Variants in RFX7 observed in about 807,000 individuals in gnomAD.
RFX7 encodes DNA-binding protein RFX7.
RFX7 carries 26 observed loss-of-function variants against 111.8 expected under a neutral mutation model. The ratio of observed to expected loss-of-function variants is 0.23; its 90% CI spans 0.17 to 0.32. The LOEUF (loss-of-function observed/expected upper bound fraction) is 0.32, where lower values mean the gene tolerates loss of function less well. Ranked by LOEUF, RFX7 falls within the 10% of genes least tolerant of loss-of-function variation. RFX7 has a pLI of 1.00. For synonymous variants in RFX7, 624 were observed against 624.4 expected (o/e 1.00, Z 0.01); for missense variants, 1,573 against 1,772.9 (o/e 0.89, Z 2.02).
chr15:56,147,693 C>G (rs540202971), intron 3 of RFX7, among the ~76,000 whole-genome samples: 1 of 152,076 alleles, frequency 6.6e-6, no homozygotes, highest in Non-Finnish European at 1.5e-5. Context: ...CCTGACTCAG[C>G]CTTCCGAGCA....
chr15:56,179,727 C>A (rs1019391422), intron 2 of RFX7, among the ~76,000 whole-genome samples: 2 of 149,340 alleles, frequency 1.3e-5, no homozygotes, highest in East Asian at 4.0e-4. Flanking sequence ...AGATTTGATA[C>A]ATAAAAGATT....
At chr15:56,158,618 T>C (rs1310218380) in intron 3 of RFX7, among the ~76,000 whole-genome samples, 2 of 152,180 alleles carry the variant, frequency 1.3e-5, no homozygotes, top group Admixed American at 1.3e-4. Context: ...ATTTAAAATC[T>C]ACTCTCATAC....
chr15:56,155,717 A>G (rs1410640215), intron 3 of RFX7, among the ~76,000 whole-genome samples: 1 of 152,218 alleles, frequency 6.6e-6, no homozygotes, highest in Non-Finnish European at 1.5e-5. Flanking sequence ...TACCTATGTA[A>G]CAAAACTGCA....
rs189981876 is a variant in RFX7, at chr15:56,144,338, C to T, written c.278+63G>A. 3.8e-5 allele frequency: 32 copies of T among 846,302 alleles called. No homozygotes were observed. In the African/African-American group the frequency reaches 5.6e-4, roughly 15 times the overall value. 52.4% of individuals were successfully genotyped at this position (846,302 alleles called of 1,614,324 possible). A position where few individuals can be genotyped will look rare whatever the true frequency, so the allele number is the denominator to read the frequency against. On this transcript the variant is annotated intron_variant, in intron 4 of 9. Coordinates refer to ENST00000559447, the MANE Select transcript of RFX7 (RefSeq NM_022841.7). ...TCTAACAACCAAAACATACAGACCT[C>T]ACATATATCCTAGGGACATCCTATA...
intron 2 of RFX7, among the ~76,000 whole-genome samples, chr15:56,222,577 C>T (rs957300930): frequency 1.3e-4 from 20 of 152,142 alleles, no homozygotes; most frequent in South Asian, 6.2e-4. Context: ...AAGTTTTCTT[C>T]GTAGTTTCCA....
intron 2 of RFX7, among the ~76,000 whole-genome samples, chr15:56,200,935 T>TC (rs1203986001): frequency 6.6e-6 from 1 of 152,082 alleles, no homozygotes; most frequent in Non-Finnish European, 1.5e-5. Context: ...TACAAGTCTT[T>TC]TTTTTTTTAA....
chr15:56,151,761 T>A (rs770527935), intron 3 of RFX7, among the ~76,000 whole-genome samples: 1 of 152,090 alleles, frequency 6.6e-6, no homozygotes, highest in African/African-American at 2.4e-5. Flanking sequence ...AGACACAGAC[T>A]GGCAAATTAG....
intron 2 of RFX7, 53 bp from the exon 3 acceptor site, chr15:56,179,356 G>T: frequency 3.7e-6 from 3 of 810,182 alleles, no homozygotes; most frequent in Non-Finnish European, 5.2e-6. Context: ...TTAACTATCT[G>T]CAATATTCTC....
At chr15:56,133,350 A>C (rs2042243982) in intron 5 of RFX7, among the ~76,000 whole-genome samples, 1 of 151,972 alleles carries the variant, frequency 6.6e-6, no homozygotes, top group African/African-American at 2.4e-5. Context: ...TTACAACTTC[A>C]TTTTTTTCCT....
intron 5 of RFX7, among the ~76,000 whole-genome samples, chr15:56,129,349 T>A (rs1443902038): frequency 6.7e-6 from 1 of 148,428 alleles, no homozygotes; most frequent in African/African-American, 2.5e-5. Flanking sequence ...CACTCCAGCC[T>A]AGGTGACAAG....
intron 1 of RFX7, 25 bp downstream of exon 1, chr15:56,243,420 G>T: frequency 8.8e-7 from 1 of 1,130,726 alleles, no homozygotes. Context: ...GAGGAGGAAG[G>T]AAGCTGGATA....
intron 2 of RFX7, among the ~76,000 whole-genome samples, chr15:56,198,442 C>T (rs1382041470): frequency 1.3e-5 from 2 of 152,120 alleles, no homozygotes; most frequent in African/African-American, 4.8e-5. Context: ...AAGTACGCAA[C>T]ACCACCTACA....
chr15:56,195,612 C>G (rs1339468252), intron 2 of RFX7, among the ~76,000 whole-genome samples: 1 of 152,034 alleles, frequency 6.6e-6, no homozygotes, highest in South Asian at 2.1e-4. Context: ...AACCAAAGAC[C>G]CGTGTTTCTC....
chr15:56,138,469 T>C (rs2042339082), intron 5 of RFX7, among the ~76,000 whole-genome samples: 1 of 149,970 alleles, frequency 6.7e-6, no homozygotes, highest in Admixed American at 6.6e-5. Context: ...ATTTGCTTGG[T>C]AGATCTTCCT....
intron 2 of RFX7, among the ~76,000 whole-genome samples, chr15:56,194,606 G>A (rs1336544118): frequency 6.6e-6 from 1 of 151,828 alleles, no homozygotes; most frequent in East Asian, 1.9e-4. Context: ...TTGCTCATAT[G>A]CTATAAAACA....
intron 5 of RFX7, among the ~76,000 whole-genome samples, chr15:56,109,597 T>C (rs1319956713): frequency 1.2e-4 from 18 of 145,332 alleles, no homozygotes; most frequent in East Asian, 1.0e-3. Flanking sequence ...ATCTAGGAAG[T>C]GAGGAGCGCC....
intron 3 of RFX7, among the ~76,000 whole-genome samples, chr15:56,155,064 A>AT (rs1261416418): frequency 6.6e-6 from 1 of 152,308 alleles, no homozygotes; most frequent in East Asian, 1.9e-4. Context: ...TGAAAATGGG[A>AT]ACCACAATAA....
At position 56,169,700 on chromosome 15, in the gene RFX7, C is replaced by CT. The variant is rs35597885; in HGVS notation, c.195+9569dup. Reference sequence around the variant, plus strand: ...CACTCTGCTATAATGCTAGTCAGTTCTTTTTTTTTTTTTTTTTTTTTTTTA... The same window carrying CT: ...CACTCTGCTATAATGCTAGTCAGTTCTTTTTTTTTTTTTTTTTTTTTTTTTA... On this transcript the variant is annotated intron_variant, in intron 3 of 9. Coordinates refer to ENST00000559447, the MANE Select transcript of RFX7 (RefSeq NM_022841.7). Among the ~76,000 whole-genome samples the CT allele has an allele frequency of 3.7e-4, 36 of 96,880 alleles. 1 individual carries two copies. Among genetic ancestry groups the CT allele is most frequent in the African/African-American group, 1.0e-3 (26 of 24,888 alleles). The allele number at this position is 96,880 out of a possible 152,430, so 63.6% of individuals were successfully genotyped here.
intron 2 of RFX7, among the ~76,000 whole-genome samples, chr15:56,215,339 G>A (rs1481208406): frequency 5.3e-5 from 8 of 152,166 alleles, no homozygotes; most frequent in African/African-American, 1.7e-4. Flanking sequence ...ATTGTAGTCT[G>A]TAGATACCAT....
Sources: allele counts gnomAD v4.1 joint callset (sites outside exome capture counted in the v4.1 genomes callset), GRCh38; gene constraint gnomAD v4.1.1; transcripts MANE v1.5; gene names NCBI Gene and HGNC (gene_info 2026-07-23, HGNC 2026-07-21).